Variants in SPATS2 observed in about 807,000 individuals in gnomAD.
SPATS2 encodes spermatogenesis associated serine rich 2.
In SPATS2, 38 loss-of-function variants were observed where a neutral mutation model predicts 63.7. The ratio of observed to expected loss-of-function variants is 0.60; its 90% CI spans 0.46 to 0.78. The LOEUF (loss-of-function observed/expected upper bound fraction) is 0.78. SPATS2 is among the 30% of genes least tolerant of loss of function. SPATS2 has a pLI of 0.00. For missense variants in SPATS2, 588 were observed against 666.2 expected (o/e 0.88, Z 1.29); for synonymous variants, 207 against 232.9 (o/e 0.89, Z 1.01).
chr12:49,465,106 A>G (rs1412835977), intron 3 of SPATS2, among the ~76,000 whole-genome samples: 3 of 152,212 alleles, frequency 2.0e-5, no homozygotes, highest in African/African-American at 4.8e-5. Context: ...ACATTTATCC[A>G]TTTAACAGTT....
chr12:49,389,533 GA>G, intron 2 of SPATS2: 1 of 945,954 alleles, frequency 1.1e-6, no homozygotes, highest in Non-Finnish European at 1.7e-6. Context: ...GCACAATTGA[GA>G]AGGCACTTGC....
At chr12:49,475,205 C>A (rs1425398484) in intron 3 of SPATS2, among the ~76,000 whole-genome samples, 1 of 152,090 alleles carries the variant, frequency 6.6e-6, no homozygotes, top group African/African-American at 2.4e-5. Context: ...AAGCAAAAAT[C>A]CAAATGCACG....
intron 2 of SPATS2, among the ~76,000 whole-genome samples, chr12:49,429,425 T>G (rs533905397): frequency 6.6e-6 from 1 of 152,274 alleles, no homozygotes; most frequent in East Asian, 1.9e-4. Context: ...AGGTTTCATA[T>G]TCACCATTTT....
At chr12:49,468,465 T>TTTTGTC (rs774884723) in intron 3 of SPATS2, among the ~76,000 whole-genome samples, 162 of 135,094 alleles carry the variant, frequency 1.2e-3, no homozygotes, top group Non-Finnish European at 2.5e-3. Flanking sequence ...CGGCCTTTTT[T>TTTTGTC]TTTGTTTTTG....
intron 2 of SPATS2, among the ~76,000 whole-genome samples, chr12:49,372,763 G>A (rs1944020447): frequency 6.6e-6 from 1 of 151,842 alleles, no homozygotes; most frequent in African/African-American, 2.4e-5. Flanking sequence ...AATATTTCGA[G>A]CGGATACCTG....
intron 2 of SPATS2, among the ~76,000 whole-genome samples, chr12:49,397,576 C>A (rs376759675): frequency 2.6e-5 from 4 of 151,924 alleles, no homozygotes; most frequent in East Asian, 3.9e-4. Flanking sequence ...TCCTGTAATC[C>A]CACAGCTTTG....
chr12:49,391,072 A>C (rs1944409388), intron 2 of SPATS2, among the ~76,000 whole-genome samples: 2 of 133,592 alleles, frequency 1.5e-5, no homozygotes, highest in African/African-American at 7.2e-5. Context: ...TTTAAATTAA[A>C]ATTTCAAAAA....
In SPATS2 at chr12:49,496,881, C is replaced by A; in HGVS notation, c.575C>A (p.Thr192Asn). ...TCTGATTTTGAGACCAAGTCTTTGA[C>A]TATGCACTCTATTCACAATTCTCAA... is the stretch of plus-strand genomic sequence containing the variant. Reference protein sequence around the residue: ...GVSDFETKSLTMHSIHNSQQP... With the variant: ...GVSDFETKSLNMHSIHNSQQP... The change falls in exon 8 of 14, where the codon ACT (threonine) becomes AAT (asparagine). Residue 192 changes from threonine to asparagine, a missense_variant. Coordinates refer to ENST00000552918, the MANE Select transcript of SPATS2 (RefSeq NM_023071.4). 1 of 1,614,104 alleles carries A rather than the reference C, an allele frequency of 6.2e-7. No homozygotes were observed. The highest frequency in any genetic ancestry group is 8.5e-7 in the Non-Finnish European group (1 of 1,179,994).
intron 2 of SPATS2, among the ~76,000 whole-genome samples, chr12:49,459,664 G>C (rs1458153032): frequency 7.0e-6 from 1 of 143,820 alleles, no homozygotes; most frequent in East Asian, 2.1e-4. Flanking sequence ...TTATTAAAAA[G>C]TCTCACGTTT....
chr12:49,513,237 T>TG (rs1565759195), intron 9 of SPATS2, among the ~76,000 whole-genome samples: 20 of 135,232 alleles, frequency 1.5e-4, no homozygotes, highest in African/African-American at 5.8e-4. Flanking sequence ...GTGTGTGTGT[T>TG]TGAGTGTGAT....
intron 2 of SPATS2, among the ~76,000 whole-genome samples, chr12:49,374,699 G>A (rs1371033270): frequency 1.3e-5 from 2 of 151,880 alleles, no homozygotes; most frequent in Non-Finnish European, 2.9e-5. Flanking sequence ...GGTGGCTCAC[G>A]CCTGTAATCC....
chr12:49,373,591 A>G (rs1289275891), intron 2 of SPATS2, among the ~76,000 whole-genome samples: 1 of 145,060 alleles, frequency 6.9e-6, no homozygotes, highest in Non-Finnish European at 1.5e-5. Flanking sequence ...CAGGAGTTTG[A>G]GACCAGCTTG....
At position 49,436,317 on chromosome 12, in the gene SPATS2, A is replaced by G. The variant is rs1471107038; in HGVS notation, c.-243-24453A>G. Among the ~76,000 whole-genome samples the G allele has an allele frequency of 9.9e-4, 139 of 140,460 alleles. 2 individuals are homozygous for G. The highest frequency in any genetic ancestry group is 1.8e-4 in the Non-Finnish European group (12 of 65,238). The allele number at this position is 140,460 out of a possible 152,430, so 92.1% of individuals were successfully genotyped here. A position where few individuals can be genotyped will look rare whatever the true frequency, so the allele number is the denominator to read the frequency against. On this transcript the variant is annotated intron_variant, in intron 2 of 13. Coordinates refer to ENST00000552918, the MANE Select transcript of SPATS2 (RefSeq NM_023071.4). ...CCGGATGGGGCGGCTGGCCGGGCAGAGGGGCTCCTCACTTCGCAGTAGGGG... is the reference window on the plus strand; with the variant it reads ...CCGGATGGGGCGGCTGGCCGGGCAGGGGGGCTCCTCACTTCGCAGTAGGGG...
At chr12:49,390,427 A>G (rs1434339265) in intron 2 of SPATS2, among the ~76,000 whole-genome samples, 1 of 152,250 alleles carries the variant, frequency 6.6e-6, no homozygotes, top group Admixed American at 6.5e-5. Flanking sequence ...AACTTTTGGC[A>G]GTGCTGCTGG....
At chr12:49,497,412 C>T (rs866691840) in intron 8 of SPATS2, among the ~76,000 whole-genome samples, 14 of 150,384 alleles carry the variant, frequency 9.3e-5, no homozygotes, top group Non-Finnish European at 1.8e-4. Flanking sequence ...TTTTTTCCCC[C>T]GAGACTGAGT....
chr12:49,481,175 C>T (rs919899029), intron 3 of SPATS2, among the ~76,000 whole-genome samples: 3 of 152,144 alleles, frequency 2.0e-5, no homozygotes, highest in Non-Finnish European at 1.5e-5. Flanking sequence ...GCCTGACCAA[C>T]ATGGTGAAAC....
intron 6 of SPATS2, among the ~76,000 whole-genome samples, chr12:49,491,385 G>A (rs1320596524): frequency 1.3e-5 from 2 of 152,074 alleles, no homozygotes; most frequent in Non-Finnish European, 2.9e-5. Context: ...GGGCAACTGG[G>A]TTGTAGTCCT....
chr12:49,510,602 A>T lies in SPATS2; in HGVS notation c.840-3953A>T, dbSNP rs184708965. Among the ~76,000 whole-genome samples the T allele has an allele frequency of 5.5e-4, 83 of 152,042 alleles. 1 individual carries two copies. Among genetic ancestry groups the T allele is most frequent in the African/African-American group, 1.9e-3 (78 of 41,454 alleles). ...AAAAGATTCTAAGTTTTGAGCAAATAAAATTGTGTACAAATGTTTTCTGAC... is the reference window on the plus strand; with the variant it reads ...AAAAGATTCTAAGTTTTGAGCAAATTAAATTGTGTACAAATGTTTTCTGAC... On this transcript the variant is annotated intron_variant, in intron 9 of 13. Coordinates refer to ENST00000552918, the MANE Select transcript of SPATS2 (RefSeq NM_023071.4).
At chr12:49,476,575 C>G (rs1725900592) in intron 3 of SPATS2, among the ~76,000 whole-genome samples, 1 of 152,194 alleles carries the variant, frequency 6.6e-6, no homozygotes. Flanking sequence ...AACACACACC[C>G]ACTGGGGCTT....
Sources: allele counts gnomAD v4.1 joint callset (sites outside exome capture counted in the v4.1 genomes callset), GRCh38; gene constraint gnomAD v4.1.1; transcripts MANE v1.5; gene names NCBI Gene and HGNC (gene_info 2026-07-23, HGNC 2026-07-21).